The following MALL variants were observed in gnomAD, a reference collection of about 807,000 sequenced individuals.
MALL encodes the protein mal, T cell differentiation protein like, also known as MAL-like protein.
MALL carries 2 observed loss-of-function variants against 10.3 expected under a neutral mutation model. The ratio of observed to expected loss-of-function variants is 0.19; its 90% CI spans 0.08 to 0.61. The LOEUF (loss-of-function observed/expected upper bound fraction) is 0.61. Among genes scored for constraint, MALL ranks in the 20% least tolerant of loss-of-function variants. The pLI, the probability that MALL is intolerant of heterozygous loss-of-function variation, is 0.88. For synonymous variants in MALL, 27 were observed against 51.8 expected (o/e 0.52, Z 2.05); for missense variants, 39 against 115.2 (o/e 0.34, Z 3.03).
chr2:110,115,693 CG>C lies in MALL; in HGVS notation c.99del (p.Glu34SerfsTer2). 7.8e-7 allele frequency: 1 copy of C among 1,281,738 alleles called. No homozygotes were observed. The highest frequency in any genetic ancestry group is 9.9e-7 in the Non-Finnish European group (1 of 1,007,334). 79.4% of individuals were successfully genotyped at this position (1,281,738 alleles called of 1,614,324 possible). ...GTCGGGGGTGCCGCACTCACCAGCTCGGGCAGGAAGAAGGCGAAAGGGATGG... is the reference window on the plus strand; with the variant it reads ...GTCGGGGGTGCCGCACTCACCAGCTCGGCAGGAAGAAGGCGAAAGGGATGG... The part of the protein sequence containing the change: ...FLTIPFAFFL[P>X]ELIFGFLVWT... On this transcript the variant is annotated frameshift_variant, in exon 1 of 4. Coordinates refer to ENST00000272462, the MANE Select transcript of MALL (RefSeq NM_005434.5). LOFTEE classifies it high-confidence loss of function.
intron 1 of MALL, among the ~76,000 whole-genome samples, chr2:110,099,604 G>A (rs1312112750): frequency 6.6e-6 from 1 of 152,144 alleles, no homozygotes; most frequent in Non-Finnish European, 1.5e-5. Context: ...TGTGGAGTGA[G>A]CTCCCCACCT....
At chr2:110,097,991 G>C (rs1479699745) in intron 1 of MALL, among the ~76,000 whole-genome samples, 1 of 151,998 alleles carries the variant, frequency 6.6e-6, no homozygotes, top group Non-Finnish European at 1.5e-5. Context: ...GTGAGCCGGG[G>C]TCTCCTGGTC....
At chr2:110,107,411 C>T (rs1678719684) in intron 1 of MALL, among the ~76,000 whole-genome samples, 1 of 152,062 alleles carries the variant, frequency 6.6e-6, no homozygotes, top group South Asian at 2.1e-4. Flanking sequence ...AGGCCTGTAA[C>T]TGCCAGCTTT....
intron 1 of MALL, among the ~76,000 whole-genome samples, chr2:110,101,475 T>C (rs1678563155): frequency 6.6e-6 from 1 of 152,122 alleles, no homozygotes; most frequent in Admixed American, 6.5e-5. Flanking sequence ...TGGATAACAG[T>C]GTTGGCAGGA....
chr2:110,097,593 A>G (rs1467478840), intron 1 of MALL: 38 of 455,748 alleles, frequency 8.3e-5, no homozygotes, highest in Non-Finnish European at 1.5e-4. Context: ...ACGCTGCCTG[A>G]GTAATGATGC....
chr2:110,099,287 G>C (rs976531824), intron 1 of MALL, among the ~76,000 whole-genome samples: 1 of 152,148 alleles, frequency 6.6e-6, no homozygotes, highest in African/African-American at 2.4e-5. Context: ...ATGTGTGTGC[G>C]TGCCTGGCAA....
At chr2:110,092,700 T>TATA (rs3976232) in intron 1 of MALL, among the ~76,000 whole-genome samples, 15,378 of 126,792 alleles carry the variant, frequency 0.12, 890 homozygotes, top group South Asian at 0.16. Context: ...AAACTTAAAG[T>TATA]ATAATAATAA....
chr2:110,097,355 C>A (rs1574030971), intron 1 of MALL: 1 of 415,200 alleles, frequency 2.4e-6, no homozygotes, highest in East Asian at 7.1e-5. Flanking sequence ...AATGTAGGAC[C>A]CTGTTCACGT....
At chr2:110,100,147 G>A (rs1387843591) in intron 1 of MALL, among the ~76,000 whole-genome samples, 1 of 152,082 alleles carries the variant, frequency 6.6e-6, no homozygotes, top group Non-Finnish European at 1.5e-5. Context: ...CTCATTCATG[G>A]ATTGTGACTC....
chr2:110,107,247 G>A (rs1678716260), intron 1 of MALL, among the ~76,000 whole-genome samples: 1 of 152,106 alleles, frequency 6.6e-6, no homozygotes, highest in Non-Finnish European at 1.5e-5. Flanking sequence ...CTACTGTTAG[G>A]AAAGATGCAG....
intron 1 of MALL, among the ~76,000 whole-genome samples, chr2:110,111,408 C>A (rs1180681548): frequency 6.6e-6 from 1 of 152,040 alleles, no homozygotes; most frequent in Non-Finnish European, 1.5e-5. Context: ...AAATCAGTAG[C>A]TTTTCTATAC....
chr2:110,098,947 T>C (rs1309146337), intron 1 of MALL, among the ~76,000 whole-genome samples: 2 of 151,906 alleles, frequency 1.3e-5, no homozygotes, highest in Non-Finnish European at 2.9e-5. Flanking sequence ...CAGCCTTGAT[T>C]GTGCCACTGC....
intron 1 of MALL, among the ~76,000 whole-genome samples, chr2:110,101,405 C>T (rs2104385642): frequency 6.6e-6 from 1 of 152,238 alleles, no homozygotes; most frequent in Non-Finnish European, 1.5e-5. Context: ...TTAAGGCTAG[C>T]AGGAAATTGC....
chr2:110,108,727 G>A (rs1286170042), intron 1 of MALL, among the ~76,000 whole-genome samples: 2 of 152,154 alleles, frequency 1.3e-5, no homozygotes, highest in African/African-American at 4.8e-5. Context: ...TCTTTGCCTA[G>A]GCACATTGTC....
chr2:110,113,116 A>G (rs961090634), intron 1 of MALL, among the ~76,000 whole-genome samples: 1 of 151,792 alleles, frequency 6.6e-6, no homozygotes, highest in African/African-American at 2.4e-5. Context: ...CTTGGGGAGA[A>G]GAGTGGGAGA....
intron 1 of MALL, among the ~76,000 whole-genome samples, chr2:110,103,870 A>G (rs1678631437): frequency 1.3e-5 from 2 of 152,130 alleles, no homozygotes; most frequent in South Asian, 2.1e-4. Context: ...CGGAGTGGCC[A>G]GGGATGCGGG....
At chr2:110,102,174 G>C (rs368682293) in intron 1 of MALL, among the ~76,000 whole-genome samples, 16 of 152,244 alleles carry the variant, frequency 1.1e-4, no homozygotes, top group African/African-American at 3.9e-4. Context: ...CTAATAACCT[G>C]CCCTTCATTA....
At chr2:110,097,535 G>C (rs748688463) in intron 1 of MALL, 5 of 456,652 alleles carry the variant, frequency 1.1e-5, no homozygotes, top group South Asian at 7.7e-5. Context: ...ATGGGTGGGA[G>C]AGGGGCTGCT....
chr2:110,095,876 G>C (rs559610626), intron 1 of MALL, among the ~76,000 whole-genome samples: 64 of 152,214 alleles, frequency 4.2e-4, no homozygotes, highest in African/African-American at 1.5e-3. Flanking sequence ...GCAGACTCCT[G>C]CTGCCCAAAG....
Sources: allele counts gnomAD v4.1 joint callset (sites outside exome capture counted in the v4.1 genomes callset), GRCh38; gene constraint gnomAD v4.1.1; transcripts MANE v1.5; gene names NCBI Gene and HGNC (gene_info 2026-07-23, HGNC 2026-07-21).